GNPTAB: variants seen among roughly 807,000 people sequenced by gnomAD.
GNPTAB encodes the protein N-acetylglucosamine-1-phosphotransferase subunits alpha/beta.
GNPTAB carries 92 observed loss-of-function variants against 136.6 expected under a neutral mutation model. The observed-to-expected ratio is 0.67, with a 90% CI of 0.57 to 0.80. GNPTAB has a LOEUF of 0.80. Ranked by LOEUF, GNPTAB falls within the 30% of genes least tolerant of loss-of-function variation. The probability of loss-of-function intolerance (pLI) is 0.00; values close to 1 mark genes in which losing one functional copy is unlikely to be tolerated. For synonymous variants in GNPTAB, 512 were observed against 535.1 expected, an observed-to-expected ratio of 0.96 and a Z score of 0.60; for missense variants, 1,343 against 1,501.8, an observed-to-expected ratio of 0.89 and a Z score of 1.75.
chr12:101,830,017 AAAAAAG>A (rs1566105625), intron 1 of GNPTAB, among the ~76,000 whole-genome samples: 1 of 151,602 alleles, frequency 6.6e-6, no homozygotes, highest in Non-Finnish European at 1.5e-5. Flanking sequence ...AAAAAAAAAA[AAAAAAG>A]AAAAAGAAAA....
intron 20 of GNPTAB, among the ~76,000 whole-genome samples, chr12:101,748,537 C>T (rs564494185): frequency 6.6e-6 from 1 of 152,318 alleles, no homozygotes; most frequent in African/African-American, 2.4e-5. Flanking sequence ...GACTTCTGGA[C>T]ACTCACCTCA....
intron 13 of GNPTAB, among the ~76,000 whole-genome samples, chr12:101,763,047 C>T (rs1953025590): frequency 6.6e-6 from 1 of 151,712 alleles, no homozygotes; most frequent in Admixed American, 6.6e-5. Context: ...ATGGTGAAAC[C>T]CCGTCTCCAC....
At chr12:101,747,547 A>G (rs1190499345) in intron 20 of GNPTAB, among the ~76,000 whole-genome samples, 1 of 130,636 alleles carries the variant, frequency 7.7e-6, no homozygotes, top group African/African-American at 3.0e-5. Flanking sequence ...GCTATTACCA[A>G]AGCATATTTA....
At chr12:101,762,448 A>C (rs1211907638) in intron 13 of GNPTAB, among the ~76,000 whole-genome samples, 1 of 152,234 alleles carries the variant, frequency 6.6e-6, no homozygotes, top group East Asian at 1.9e-4. Context: ...AGACATATTT[A>C]AAGTTTATAC....
chr12:101,784,631 C>A (rs1482136468), intron 5 of GNPTAB, among the ~76,000 whole-genome samples: 30 of 149,698 alleles, frequency 2.0e-4, no homozygotes, highest in African/African-American at 7.0e-4. Flanking sequence ...TGAGGGAATT[C>A]AGTCTGGTGT....
intron 2 of GNPTAB, among the ~76,000 whole-genome samples, chr12:101,794,341 C>A (rs1172388539): frequency 6.6e-6 from 1 of 151,900 alleles, no homozygotes; most frequent in South Asian, 2.1e-4. Flanking sequence ...TCATTCAGAG[C>A]AAACAACCTT....
intron 4 of GNPTAB, among the ~76,000 whole-genome samples, chr12:101,788,209 A>G (rs1385020625): frequency 6.6e-6 from 1 of 152,238 alleles, no homozygotes; most frequent in African/African-American, 2.4e-5. Context: ...TAAGTAAATG[A>G]TGGACATAAA....
chr12:101,823,545 G>A (rs1467758415), intron 1 of GNPTAB, among the ~76,000 whole-genome samples: 1 of 147,204 alleles, frequency 6.8e-6, no homozygotes, highest in East Asian at 2.0e-4. Flanking sequence ...AGGAGGTGCA[G>A]GTTGCAGTGA....
Position 101,770,125 on chromosome 12 carries a change from G to T in GNPTAB, c.1180C>A (p.Arg394Ser). 6.2e-7 allele frequency: 1 copy of T among 1,614,052 alleles called. No individual in the cohort carries two copies. Among genetic ancestry groups the T allele is most frequent in the South Asian group, 1.1e-5 (1 of 91,082 alleles). Residue 394 changes from arginine (R) to serine (S), a missense_variant, in exon 10 of 21, where the codon CGC becomes AGC. Physicochemically the swap from Arg to Ser is moderately radical, Grantham distance 110. Transcript: ENST00000299314. ...AACTTCTGGGACAGCCCTTCGATGC[G>T]ATGAATGTGACTTTCAATAGCAGGT... ...SSPAIESHIH[R>S]IEGLSQKFIY...
chr12:101,792,002 G>A (rs904952797), intron 2 of GNPTAB, among the ~76,000 whole-genome samples: 1 of 152,176 alleles, frequency 6.6e-6, no homozygotes, highest in Non-Finnish European at 1.5e-5. Context: ...GAGAAGACAG[G>A]AAGTAAATCA....
At chr12:101,753,248 C>T (rs897631758) in intron 19 of GNPTAB, 124 bp downstream of exon 19, 13 of 841,742 alleles carry the variant, frequency 1.5e-5, no homozygotes, top group Non-Finnish European at 2.2e-5. Context: ...AACAAAACTC[C>T]GTCTCAAAAA....
intron 1 of GNPTAB, among the ~76,000 whole-genome samples, chr12:101,799,228 A>T (rs923269089): frequency 6.6e-6 from 1 of 152,220 alleles, no homozygotes; most frequent in African/African-American, 2.4e-5. Flanking sequence ...GTTGTTAGAT[A>T]ACAACTTAAA....
intron 3 of GNPTAB, among the ~76,000 whole-genome samples, chr12:101,789,541 G>A (rs1379710955): frequency 2.0e-5 from 3 of 152,206 alleles, no homozygotes; most frequent in Non-Finnish European, 4.4e-5. Context: ...TTGGAGGGCA[G>A]TGATACAATC....
At chr12:101,802,755 T>C (rs1869720184) in intron 1 of GNPTAB, among the ~76,000 whole-genome samples, 1 of 152,164 alleles carries the variant, frequency 6.6e-6, no homozygotes, top group Non-Finnish European at 1.5e-5. Flanking sequence ...GTGAACAGCC[T>C]TTCTCAAGAA....
chr12:101,767,668 G>A (rs1226540259), intron 11 of GNPTAB, among the ~76,000 whole-genome samples: 2 of 152,166 alleles, frequency 1.3e-5, no homozygotes, highest in Non-Finnish European at 2.9e-5. Flanking sequence ...TGCCGCCCAG[G>A]TTAGAGTACA....
chr12:101,789,216 C>T (rs1868840560), intron 3 of GNPTAB, among the ~76,000 whole-genome samples: 1 of 152,140 alleles, frequency 6.6e-6, no homozygotes, highest in Non-Finnish European at 1.5e-5. Context: ...GGAGGGGGTC[C>T]TCTGTCTTTA....
In GNPTAB at chr12:101,757,479, G is replaced by C. The variant is rs1952918836; in HGVS notation, c.3335+93C>G. Reference sequence around the variant, plus strand: ...AATCTCATATAAATTTTAGAACAGTGCTTAATAGACAAAATATTGTAGAAT... The same window carrying C: ...AATCTCATATAAATTTTAGAACAGTCCTTAATAGACAAAATATTGTAGAAT... On this transcript the variant is annotated intron_variant, in intron 17 of 20. Transcript: ENST00000299314. 3 of 815,278 alleles carry C rather than the reference G, an allele frequency of 3.7e-6. No homozygotes were observed. The East Asian group carries it at 7.6e-5, about 21-fold the overall frequency. 50.5% of individuals were successfully genotyped at this position (815,278 alleles called of 1,614,324 possible).
chr12:101,800,525 G>A (rs755657931), intron 1 of GNPTAB, among the ~76,000 whole-genome samples: 1 of 149,848 alleles, frequency 6.7e-6, no homozygotes, highest in Non-Finnish European at 1.5e-5. Context: ...TTGGGAGGTC[G>A]TGGAGGGAGG....
intron 1 of GNPTAB, among the ~76,000 whole-genome samples, chr12:101,800,196 T>G (rs1594245668): frequency 6.6e-6 from 1 of 151,458 alleles, no homozygotes; most frequent in Non-Finnish European, 1.5e-5. Flanking sequence ...GTTCAAAAAT[T>G]ATCTTTGGCC....
Sources: gnomAD v4.1 joint callset for allele counts (sites outside exome capture counted in the v4.1 genomes callset) on GRCh38, gnomAD v4.1.1 for gene constraint, MANE v1.5 for transcripts, NCBI Gene and HGNC (gene_info 2026-07-23, HGNC 2026-07-21) for gene names.